SFXN4: variants seen among roughly 807,000 people sequenced by gnomAD.
SFXN4 encodes sideroflexin 4, also known as sideroflexin-4.
SFXN4 carries 48 observed loss-of-function variants against 54.6 expected under a neutral mutation model. The observed-to-expected ratio is 0.88, with a 90% CI of 0.70 to 1.12. SFXN4 has a LOEUF of 1.12. Among genes scored for constraint, SFXN4 ranks in the 50% most tolerant of loss-of-function variants. SFXN4 has a pLI of 0.00. For missense variants in SFXN4, 383 were observed against 409.2 expected (o/e 0.94, Z 0.55); for synonymous variants, 130 against 145.5 (o/e 0.89, Z 0.77).
rs533871622 is a variant in SFXN4 at position 119,143,448 on chromosome 10, A to G, written c.937-2129T>C. On this transcript the variant is annotated intron_variant, in intron 13 of 13. Transcript: ENST00000355697. ...CCTCCCATGCTCAGGTGATCTTCCT[A>G]CCTCAGCTGCCTGAGTAGCTAGGAC... 3.3e-5 allele frequency among the ~76,000 whole-genome samples: 5 copies of G among 150,748 alleles called. No homozygotes were observed. In the South Asian group the frequency reaches 1.0e-3, roughly 32 times the overall value.
At chr10:119,162,598 T>C (rs1044279135) in intron 2 of SFXN4, among the ~76,000 whole-genome samples, 184 bp from the exon 3 acceptor site, 3 of 152,246 alleles carry the variant, frequency 2.0e-5, no homozygotes, top group African/African-American at 7.2e-5. Flanking sequence ...TTCAGATTTA[T>C]GCCTTCCTCT....
chr10:119,141,239 C>A lies in SFXN4; in HGVS notation c.*3G>T, dbSNP rs202015162. On this transcript the variant is annotated 3_prime_UTR_variant, in exon 14 of 14. Transcript: ENST00000355697. ...ACCACATAAATTCACCTAAAACTCA[C>A]GCCTACACCCCTCTGTGATAAAAGA... The A allele has an allele frequency of 3.1e-6, 5 of 1,608,116 alleles. No individual in the cohort carries two copies. Among genetic ancestry groups the A allele is most frequent in the Non-Finnish European group, 4.3e-6 (5 of 1,175,196 alleles).
intron 3 of SFXN4, among the ~76,000 whole-genome samples, chr10:119,161,635 C>T (rs1160341587): frequency 2.6e-5 from 4 of 152,116 alleles, no homozygotes; most frequent in Non-Finnish European, 5.9e-5. Flanking sequence ...AGACGAGCCA[C>T]ACAGAGAAAT....
At chr10:119,163,827 G>T (rs3740561) in intron 2 of SFXN4, among the ~76,000 whole-genome samples, 67,337 of 151,474 alleles carry the variant, frequency 0.44, 15,515 homozygotes, top group East Asian at 0.71. Context: ...AGGGCCTGAG[G>T]TCGGGAGTTC....
intron 6 of SFXN4, 117 bp downstream of exon 6, chr10:119,159,611 C>G: frequency 3.7e-6 from 4 of 1,068,252 alleles, no homozygotes; most frequent in Non-Finnish European, 5.8e-6. Context: ...CCACAACCAT[C>G]TATCAGGCAG....
At chr10:119,161,441 A>C (rs1847534412) in intron 3 of SFXN4, among the ~76,000 whole-genome samples, 1 of 151,772 alleles carries the variant, frequency 6.6e-6, no homozygotes, top group African/African-American at 2.4e-5. Context: ...AAAAAACAAA[A>C]AAAAAAAAAA....
chr10:119,146,610 C>A (rs1332440386), intron 12 of SFXN4, among the ~76,000 whole-genome samples: 1 of 152,002 alleles, frequency 6.6e-6, no homozygotes, highest in African/African-American at 2.4e-5. Context: ...CCTCTGTCGC[C>A]CAGGCTGGAG....
intron 11 of SFXN4, among the ~76,000 whole-genome samples, chr10:119,148,930 A>G (rs748245865): frequency 6.6e-6 from 1 of 152,122 alleles, no homozygotes; most frequent in Non-Finnish European, 1.5e-5. Flanking sequence ...TCTGTCATCC[A>G]GGCTGGAGTA....
In SFXN4 at chr10:119,165,596, T is replaced by G; in HGVS notation, c.52A>C (p.Arg18=). 6.3e-7 allele frequency: 1 copy of G among 1,594,240 alleles called. No individual in the cohort carries two copies. The highest frequency in any genetic ancestry group is 8.5e-7 in the Non-Finnish European group (1 of 1,172,002). ...ETQPGRLLGR[R]DAVPAFIEPN... is the part of the protein sequence containing the mutation. ...TCAATGAAGGCGGGGACGGCGTCTC[T>G]GCGTCCTAGGAGCCGCCCAGGTTGC... Residue 18 remains arginine (R), a synonymous_variant, in exon 1 of 14, where the codon AGA becomes CGA. Coordinates refer to ENST00000355697, the MANE Select transcript of SFXN4 (RefSeq NM_213649.2).
chr10:119,157,816 A>T (rs1847332681), intron 8 of SFXN4, 55 bp downstream of exon 8: 6 of 1,607,734 alleles, frequency 3.7e-6, no homozygotes, highest in Non-Finnish European at 5.1e-6. Flanking sequence ...ACATACAACA[A>T]ACTCCAAAAG....
At chr10:119,161,799 C>T (rs1328624920) in intron 3 of SFXN4, among the ~76,000 whole-genome samples, 2 of 152,210 alleles carry the variant, frequency 1.3e-5, no homozygotes, top group Non-Finnish European at 2.9e-5. Flanking sequence ...AAGTTACTTG[C>T]AACAGAGCCA....
At chr10:119,164,040 C>CAAAAA (rs368539311) in intron 2 of SFXN4, 91 bp downstream of exon 2, 53 of 309,696 alleles carry the variant, frequency 1.7e-4, no homozygotes, top group South Asian at 4.3e-4. Context: ...AACTCCGTCT[C>CAAAAA]AAAAAAAAAA....
At chr10:119,164,894 C>T (rs1033415010) in intron 1 of SFXN4, among the ~76,000 whole-genome samples, 2 of 152,074 alleles carry the variant, frequency 1.3e-5, no homozygotes, top group Non-Finnish European at 2.9e-5. Flanking sequence ...TAACAGACGC[C>T]GGATTTGGAA....
At chr10:119,164,062 A>G in intron 2 of SFXN4, 69 bp downstream of exon 2, 1 of 875,124 alleles carries the variant, frequency 1.1e-6, no homozygotes, top group East Asian at 2.8e-5. Context: ...AAAAAAAAAA[A>G]AAGGGACACA....
rs1181436156 is a variant in SFXN4 at position 119,162,425 on chromosome 10, A to G, written c.178-11T>C. 8.7e-6 allele frequency: 14 copies of G among 1,602,626 alleles called. No homozygotes were observed. The highest frequency in any genetic ancestry group is 1.0e-5 in the Non-Finnish European group (12 of 1,169,580). On this transcript the variant is annotated splice_polypyrimidine_tract_variant and intron_variant, in intron 2 of 13. Coordinates refer to ENST00000355697, the MANE Select transcript of SFXN4 (RefSeq NM_213649.2). ...GTTTTCTATACTTTCCTAAAATCAGATATCAAGTAATCAAGTAATGATCTC... is the reference window on the plus strand; with the variant it reads ...GTTTTCTATACTTTCCTAAAATCAGGTATCAAGTAATCAAGTAATGATCTC...
At position 119,161,437 on chromosome 10, in the gene SFXN4, C is replaced by CCAAAA. The variant is rs61268542; in HGVS notation, c.253-357_253-356insTTTTG. Reference sequence around the variant, plus strand: ...AAACAACAACAACAACAAAAAAAAACAAAAAAAAAAAAAAAGCTTTTAAAG... The same window carrying CCAAAA: ...AAACAACAACAACAACAAAAAAAAACCAAAAAAAAAAAAAAAAAAAGCTTTTAAAG... On this transcript the variant is annotated intron_variant, in intron 3 of 13. Coordinates refer to ENST00000355697, the MANE Select transcript of SFXN4 (RefSeq NM_213649.2). Among the ~76,000 whole-genome samples the CCAAAA allele has an allele frequency of 1.0e-4, 12 of 119,850 alleles. 1 individual carries two copies. Among genetic ancestry groups the CCAAAA allele is most frequent in the Non-Finnish European group, 1.5e-4 (9 of 58,854 alleles). The allele number at this position is 119,850 out of a possible 152,430, so 78.6% of individuals were successfully genotyped here.
At chr10:119,144,642 A>G (rs902208574) in intron 13 of SFXN4, among the ~76,000 whole-genome samples, 16 of 152,156 alleles carry the variant, frequency 1.1e-4, no homozygotes, top group African/African-American at 3.1e-4. Flanking sequence ...TCTTTAACAG[A>G]TAAGAAAACT....
At chr10:119,155,615 CCA>C (rs879915782) in intron 10 of SFXN4, among the ~76,000 whole-genome samples, 4 of 152,140 alleles carry the variant, frequency 2.6e-5, no homozygotes, top group African/African-American at 9.7e-5. Flanking sequence ...GCCTCAGCCT[CCA>C]GAGTAGCTGG....
chr10:119,144,115 A>G (rs538941693), intron 13 of SFXN4, among the ~76,000 whole-genome samples: 4 of 152,340 alleles, frequency 2.6e-5, no homozygotes, highest in South Asian at 2.1e-4. Context: ...TTGAGGACAT[A>G]TATATTTATA....
Sources: allele counts gnomAD v4.1 joint callset (sites outside exome capture counted in the v4.1 genomes callset), GRCh38; gene constraint gnomAD v4.1.1; transcripts MANE v1.5; gene names NCBI Gene and HGNC (gene_info 2026-07-23, HGNC 2026-07-21).